Variants in PELI2 observed in about 807,000 individuals in gnomAD.
The protein encoded by PELI2 is pellino E3 ubiquitin protein ligase family member 2.
Under a neutral mutation model 42.3 loss-of-function variants are expected in PELI2, and 23 were observed. The ratio of observed to expected loss-of-function variants is 0.54; its 90% CI spans 0.39 to 0.77. The LOEUF (loss-of-function observed/expected upper bound fraction) is 0.77. Ranked by LOEUF, PELI2 falls within the 30% of genes least tolerant of loss-of-function variation. The pLI, the probability that PELI2 is intolerant of heterozygous loss-of-function variation, is 0.00. For missense variants in PELI2, 463 were observed against 553.2 expected (o/e 0.84, Z 1.64); for synonymous variants, 245 against 212.2 (o/e 1.15, Z -1.34).
rs1566632228 is a variant in PELI2 at position 56,198,003 on chromosome 14, CACACACACA to C, written c.207+19540_207+19548del. Among the ~76,000 whole-genome samples, 28 of 134,608 alleles carry C rather than the reference CACACACACA, an allele frequency of 2.1e-4. 1 individual carries two copies. The highest frequency in any genetic ancestry group is 3.5e-5 in the Non-Finnish European group (2 of 57,362). 88.3% of individuals were successfully genotyped at this position (134,608 alleles called of 152,430 possible). On this transcript the variant is annotated intron_variant, in intron 2 of 5. Transcript: ENST00000267460. ...ACACACACACACACACACACACACA[CACACACACA>C]CCCACCTCTTTGGTCCACTTCTCTA...
chr14:56,181,596 C>T (rs1249196603), intron 2 of PELI2, among the ~76,000 whole-genome samples: 2 of 152,050 alleles, frequency 1.3e-5, no homozygotes, highest in Non-Finnish European at 2.9e-5. Flanking sequence ...TGTTTCTTCC[C>T]TCCACCACAA....
intron 2 of PELI2, among the ~76,000 whole-genome samples, chr14:56,194,053 G>A (rs1886045558): frequency 6.6e-6 from 1 of 152,088 alleles, no homozygotes; most frequent in Non-Finnish European, 1.5e-5. Context: ...CTTTTACAAC[G>A]TTGTTCTTTT....
At chr14:56,138,542 C>T (rs1033882285) in intron 1 of PELI2, among the ~76,000 whole-genome samples, 1 of 151,956 alleles carries the variant, frequency 6.6e-6, no homozygotes, top group African/African-American at 2.4e-5. Context: ...GAAACGACAG[C>T]TGCTTAATAG....
At position 56,145,226 on chromosome 14, in the gene PELI2, A is replaced by T. The variant is rs150698558; in HGVS notation, c.77+26489A>T. Among the ~76,000 whole-genome samples the T allele has an allele frequency of 4.6e-3, 693 of 152,276 alleles. 1 individual carries two copies. The highest frequency in any genetic ancestry group is 0.015 in the African/African-American group (644 of 41,558). ...GAGAGAGTGAAGGGGAAGGTGCCGT[A>T]TACTTTTAAACAACCAGATCTCGTG... On this transcript the variant is annotated intron_variant, in intron 1 of 5. Coordinates refer to ENST00000267460, the MANE Select transcript of PELI2 (RefSeq NM_021255.3).
intron 2 of PELI2, among the ~76,000 whole-genome samples, chr14:56,226,631 G>A (rs563811083): frequency 6.6e-6 from 1 of 152,288 alleles, no homozygotes; most frequent in Non-Finnish European, 1.5e-5. Flanking sequence ...CCTTCCAGAC[G>A]TAGATGCCAT....
intron 3 of PELI2, among the ~76,000 whole-genome samples, chr14:56,283,831 T>C (rs1381402112): frequency 6.6e-6 from 1 of 152,208 alleles, no homozygotes; most frequent in Non-Finnish European, 1.5e-5. Flanking sequence ...TCACTGGACC[T>C]GTTAGAAGGA....
At position 56,176,317 on chromosome 14, in the gene PELI2, C is replaced by A. The variant is rs7146021; in HGVS notation, c.78-2018C>A. ...GATGCAGCGCAGAGTTGTGCCAAAC[C>A]CCTCTCAACTCCAGTGGGGATGGCA... On this transcript the variant is annotated intron_variant, in intron 1 of 5. Transcript: ENST00000267460. Among the ~76,000 whole-genome samples the A allele has an allele frequency of 6.2e-3, 943 of 152,244 alleles. 11 individuals are homozygous for A. The highest frequency in any genetic ancestry group is 0.022 in the African/African-American group (908 of 41,510).
chr14:56,218,456 T>C (rs1182272670), intron 2 of PELI2, among the ~76,000 whole-genome samples: 2 of 152,258 alleles, frequency 1.3e-5, no homozygotes, highest in African/African-American at 4.8e-5. Flanking sequence ...TTGTTACTTC[T>C]TTACTTGTTG....
intron 1 of PELI2, among the ~76,000 whole-genome samples, chr14:56,149,067 A>G (rs1284944765): frequency 6.6e-6 from 1 of 152,174 alleles, no homozygotes; most frequent in Non-Finnish European, 1.5e-5. Context: ...TCAGTAATCC[A>G]AGCTCTCATG....
chr14:56,210,659 A>G (rs77401513), intron 2 of PELI2, among the ~76,000 whole-genome samples: 19,870 of 152,178 alleles, frequency 0.13, 1,481 homozygotes, highest in Middle Eastern at 0.17. Flanking sequence ...ATAGATTGAA[A>G]GTCTCTGCAA....
intron 4 of PELI2, among the ~76,000 whole-genome samples, chr14:56,289,983 G>A (rs940875781): frequency 1.3e-5 from 2 of 152,114 alleles, no homozygotes; most frequent in African/African-American, 2.4e-5. Flanking sequence ...TTGTGGGGAA[G>A]GTAAAAAGAA....
chr14:56,124,136 C>T (rs182873774), intron 1 of PELI2, among the ~76,000 whole-genome samples: 25 of 152,332 alleles, frequency 1.6e-4, no homozygotes, highest in Admixed American at 1.6e-3. Flanking sequence ...TCACCTTCAT[C>T]TTCTGGAAAA....
At chr14:56,215,927 G>T (rs183033827) in intron 2 of PELI2, among the ~76,000 whole-genome samples, 1 of 152,146 alleles carries the variant, frequency 6.6e-6, no homozygotes, top group Non-Finnish European at 1.5e-5. Flanking sequence ...CACATTTCAC[G>T]TTGTTATGTG....
intron 2 of PELI2, among the ~76,000 whole-genome samples, chr14:56,268,061 C>CA (rs1888970152): frequency 6.6e-6 from 1 of 152,146 alleles, no homozygotes; most frequent in African/African-American, 2.4e-5. Flanking sequence ...CTAGGACTTG[C>CA]ATTTACTACT....
chr14:56,254,850 A>G (rs1306815839), intron 2 of PELI2, among the ~76,000 whole-genome samples: 2 of 152,250 alleles, frequency 1.3e-5, no homozygotes, highest in African/African-American at 4.8e-5. Context: ...CACTTCTCAA[A>G]AGAAGACATT....
chr14:56,257,393 T>C (rs1211769387), intron 2 of PELI2, among the ~76,000 whole-genome samples: 2 of 152,182 alleles, frequency 1.3e-5, no homozygotes, highest in Non-Finnish European at 2.9e-5. Flanking sequence ...TTGGGTGTTA[T>C]TTAGTATTTG....
intron 2 of PELI2, among the ~76,000 whole-genome samples, chr14:56,247,158 A>G (rs936206477): frequency 2.6e-5 from 4 of 152,236 alleles, no homozygotes; most frequent in Admixed American, 2.0e-4. Flanking sequence ...AAACACATAC[A>G]TAATGTGTGT....
intron 3 of PELI2, 21 bp downstream of exon 3, chr14:56,279,798 T>C (rs967983863): frequency 7.9e-7 from 1 of 1,266,228 alleles, no homozygotes; most frequent in Non-Finnish European, 1.1e-6. Context: ...TCTTTTTTAA[T>C]AGAAATTTTA....
At chr14:56,137,094 G>A (rs1482885348) in intron 1 of PELI2, among the ~76,000 whole-genome samples, 1 of 152,176 alleles carries the variant, frequency 6.6e-6, no homozygotes, top group African/African-American at 2.4e-5. Flanking sequence ...AACCTGTACT[G>A]CATAAGAGGT....
Sources: allele counts gnomAD v4.1 joint callset (sites outside exome capture counted in the v4.1 genomes callset), GRCh38; gene constraint gnomAD v4.1.1; transcripts MANE v1.5; gene names NCBI Gene and HGNC (gene_info 2026-07-23, HGNC 2026-07-21).